Variants in GNAO1 observed in about 807,000 individuals in gnomAD.
GNAO1 encodes the protein G protein subunit alpha o1.
For synonymous variants in GNAO1, 164 were observed against 180.7 expected (o/e 0.91, Z 0.74); for missense variants, 166 against 478.7 (o/e 0.35, Z 6.10).
chr16:56,316,360 G>A (rs143987116), intron 3 of GNAO1, among the ~76,000 whole-genome samples: 2,202 of 152,310 alleles, frequency 0.014, 31 homozygotes, highest in Non-Finnish European at 0.019. Flanking sequence ...CAGGGGTAGG[G>A]CACCCCCTCA....
At chr16:56,228,450 C>T (rs1420979753) in intron 2 of GNAO1, among the ~76,000 whole-genome samples, 2 of 149,340 alleles carry the variant, frequency 1.3e-5, no homozygotes, top group East Asian at 1.9e-4. Context: ...TATATATATA[C>T]ATATATATTT....
chr16:56,227,687 C>CAA (rs386384777), intron 2 of GNAO1, among the ~76,000 whole-genome samples: 27,400 of 61,856 alleles, frequency 0.44, 6,356 homozygotes, highest in East Asian at 0.55. Context: ...GACCCTGTCT[C>CAA]AAAAAAAAAA....
chr16:56,225,150 T>A (rs1216398288), intron 2 of GNAO1, among the ~76,000 whole-genome samples: 3 of 152,234 alleles, frequency 2.0e-5, no homozygotes, highest in Non-Finnish European at 4.4e-5. Context: ...TATATCTCTG[T>A]AGAGCAGGAT....
chr16:56,200,868 T>C (rs1409271095), intron 2 of GNAO1, among the ~76,000 whole-genome samples: 1 of 152,190 alleles, frequency 6.6e-6, no homozygotes, highest in Non-Finnish European at 1.5e-5. Context: ...TGAAATGATT[T>C]TTCATTACCG....
At chr16:56,258,209 C>T (rs2169800) in intron 2 of GNAO1, among the ~76,000 whole-genome samples, 96,018 of 151,864 alleles carry the variant, frequency 0.63, 30,683 homozygotes, top group African/African-American at 0.72. Context: ...ACCAGGCTTG[C>T]TGAGGTGGAG....
At chr16:56,293,832 C>T (rs2278656) in intron 3 of GNAO1, among the ~76,000 whole-genome samples, 3,089 of 152,232 alleles carry the variant, frequency 0.02, 135 homozygotes, top group East Asian at 0.18. Context: ...GCCGCCTCAC[C>T]GGACTTGCTA....
intron 6 of GNAO1, chr16:56,340,497 G>A (rs1040125344): frequency 1.1e-5 from 3 of 262,566 alleles, no homozygotes; most frequent in Non-Finnish European, 2.2e-5. Flanking sequence ...CGGCCCCTGC[G>A]CTGTACGTGC....
chr16:56,327,783 A>G (rs546563870), intron 3 of GNAO1, among the ~76,000 whole-genome samples: 6 of 152,222 alleles, frequency 3.9e-5, no homozygotes, highest in African/African-American at 1.4e-4. Flanking sequence ...AAATTCATCT[A>G]CACCCACTCA....
At position 56,356,229 on chromosome 16, in the gene GNAO1, CTG is replaced by C. The variant is rs1280395998; in HGVS notation, c.*159_*160del. ...CCTACGACCCCAGAGTGACTGACGG[CTG>C]TGTATTTCTGTAGAATGCTGTAGAA... On this transcript the variant is annotated 3_prime_UTR_variant, in exon 9 of 9. Transcript: ENST00000262493. The C allele has an allele frequency of 6.6e-6, 1 of 152,596 alleles. No homozygotes were observed. 9.5% of individuals were successfully genotyped at this position (152,596 alleles called of 1,614,324 possible).
intron 6 of GNAO1, chr16:56,344,113 C>A (rs900089270): frequency 2.1e-6 from 3 of 1,450,320 alleles, no homozygotes; most frequent in Non-Finnish European, 1.8e-6. Context: ...CCCGCACCCC[C>A]CAACAGAACT....
At chr16:56,338,088 GA>G (rs2037760512) in intron 6 of GNAO1, among the ~76,000 whole-genome samples, 1 of 152,194 alleles carries the variant, frequency 6.6e-6, no homozygotes, top group Non-Finnish European at 1.5e-5. Flanking sequence ...TGGGCTTTGT[GA>G]GGATGGGATC....
At chr16:56,278,930 C>T (rs1254706417) in intron 3 of GNAO1, among the ~76,000 whole-genome samples, 1 of 152,098 alleles carries the variant, frequency 6.6e-6, no homozygotes, top group East Asian at 1.9e-4. Context: ...TTTTCTGTCT[C>T]TAGGGTCCCC....
intron 3 of GNAO1, among the ~76,000 whole-genome samples, chr16:56,305,580 G>A (rs1482650868): frequency 6.6e-6 from 1 of 152,150 alleles, no homozygotes; most frequent in Non-Finnish European, 1.5e-5. Context: ...GGAGGGCAGT[G>A]GGTGAGGCTC....
chr16:56,233,621 A>G (rs143036217), intron 2 of GNAO1, among the ~76,000 whole-genome samples: 330 of 152,344 alleles, frequency 2.2e-3, no homozygotes, highest in African/African-American at 7.1e-3. Context: ...TCAGGCCTCA[A>G]GAATCCAAGC....
intron 3 of GNAO1, among the ~76,000 whole-genome samples, chr16:56,289,142 C>T (rs1243034503): frequency 1.6e-4 from 25 of 152,296 alleles, no homozygotes; most frequent in East Asian, 9.7e-4. Context: ...TTCCCACAGC[C>T]GCTGGGCTGT....
chr16:56,282,932 G>A (rs1248601546), intron 3 of GNAO1, among the ~76,000 whole-genome samples: 2 of 146,794 alleles, frequency 1.4e-5, no homozygotes, highest in African/African-American at 5.1e-5. Flanking sequence ...GGCCCCTCAG[G>A]AAGAAATTGA....
chr16:56,195,879 C>G (rs1471529727), intron 2 of GNAO1, among the ~76,000 whole-genome samples: 1 of 152,226 alleles, frequency 6.6e-6, no homozygotes, highest in African/African-American at 2.4e-5. Context: ...TTTGAAGAAA[C>G]TGGCTTCCAT....
At chr16:56,281,667 T>C (rs2037115893) in intron 3 of GNAO1, among the ~76,000 whole-genome samples, 1 of 152,090 alleles carries the variant, frequency 6.6e-6, no homozygotes, top group African/African-American at 2.4e-5. Flanking sequence ...CTTCACCTTC[T>C]GAGCCAAGCT....
At position 56,354,636 on chromosome 16, in the gene GNAO1, A is replaced by G. The variant is rs570539131; in HGVS notation, c.878-230A>G. Reference sequence around the variant, plus strand: ...GGTTGCAGTGAGCTGAGATCGTGCCATTGCACTCCAGCCTGGGCAATAAGA... The same window carrying G: ...GGTTGCAGTGAGCTGAGATCGTGCCGTTGCACTCCAGCCTGGGCAATAAGA... On this transcript the variant is annotated intron_variant, in intron 7 of 8. Transcript: ENST00000262493. The surrounding 1 kb of genome is among the most constrained non-coding windows in gnomAD (Gnocchi z 4.3). 2.6e-5 allele frequency among the ~76,000 whole-genome samples: 4 copies of G among 152,362 alleles called. No individual in the cohort carries two copies. The highest frequency in any genetic ancestry group is 6.5e-5 in the Admixed American group (1 of 15,308).
Sources: gnomAD v4.1 joint callset for allele counts (sites outside exome capture counted in the v4.1 genomes callset) on GRCh38, gnomAD v4.1.1 for gene constraint, Gnocchi (gnomAD v3.1) non-coding constraint, MANE v1.5 for transcripts, NCBI Gene and HGNC (gene_info 2026-07-23, HGNC 2026-07-21) for gene names.